Variants in COG4 observed in about 807,000 individuals in gnomAD.
The protein encoded by COG4 is component of oligomeric golgi complex 4, also known as conserved oligomeric Golgi complex subunit 4.
COG4 carries 65 observed loss-of-function variants against 95.1 expected under a neutral mutation model. The observed-to-expected ratio is 0.68, with a 90% CI of 0.56 to 0.84. The LOEUF (loss-of-function observed/expected upper bound fraction) is 0.84, where lower values mean the gene tolerates loss of function less well. Among genes scored for constraint, COG4 ranks in the 40% least tolerant of loss-of-function variants. The probability of loss-of-function intolerance (pLI) is 0.00; values close to 1 mark genes in which losing one functional copy is unlikely to be tolerated. For missense variants in COG4, 1,045 were observed against 989.1 expected, an observed-to-expected ratio of 1.06 and a Z score of -0.76; for synonymous variants, 421 against 374.8, an observed-to-expected ratio of 1.12 and a Z score of -1.42.
intron 13 of COG4, among the ~76,000 whole-genome samples, chr16:70,484,356 T>C (rs979203138): frequency 6.6e-6 from 1 of 152,238 alleles, no homozygotes; most frequent in African/African-American, 2.4e-5. Flanking sequence ...ATGTATGAGA[T>C]GAAGCACAAC....
At chr16:70,513,945 C>T (rs960529187) in intron 4 of COG4, among the ~76,000 whole-genome samples, 8 of 152,152 alleles carry the variant, frequency 5.3e-5, no homozygotes. Flanking sequence ...CAGTAGCTTA[C>T]ACCTGTAATC....
intron 8 of COG4, among the ~76,000 whole-genome samples, chr16:70,504,093 G>A (rs2049509484): frequency 6.6e-6 from 1 of 152,158 alleles, no homozygotes; most frequent in Non-Finnish European, 1.5e-5. Context: ...CTAGCTGCAT[G>A]ACCTTGGGCA....
In COG4 at chr16:70,509,327, T is replaced by A. The variant is rs144931852; in HGVS notation, c.906A>T (p.Arg302Ser). 2.4e-5 allele frequency: 39 copies of A among 1,613,944 alleles called. No individual in the cohort carries two copies. Among genetic ancestry groups the A allele is most frequent in the Non-Finnish European group, 3.2e-5 (38 of 1,180,018 alleles). ...PIVETYYGPG[R>S]LYTLIKYLQV... Reference sequence around the variant, plus strand: ...GCAGATATTTGATCAGGGTATAGAGTCTCCCTGGCCCATAATAGGTCTCCA... The same window carrying A: ...GCAGATATTTGATCAGGGTATAGAGACTCCCTGGCCCATAATAGGTCTCCA... The change falls in exon 7 of 19, where the codon AGA (arginine) becomes AGT (serine). Residue 302 changes from arginine to serine, a missense_variant. Transcript: ENST00000323786.
At position 70,505,444 on chromosome 16, in the gene COG4, C is replaced by T. The variant is rs182287139; in HGVS notation, c.1061+2962G>A. Among the ~76,000 whole-genome samples, 402 of 150,818 alleles carry T rather than the reference C, an allele frequency of 2.7e-3. 4 individuals are homozygous for T. The highest frequency in any genetic ancestry group is 4.4e-3 in the Non-Finnish European group (301 of 67,652). On this transcript the variant is annotated intron_variant, in intron 8 of 18. Coordinates refer to ENST00000323786, the MANE Select transcript of COG4 (RefSeq NM_015386.3). Reference sequence around the variant, plus strand: ...GTCTTGATTTCCTGACCTCGTGATCCACCCGCCTTGGGCTCCCAAAGTGCT... The same window carrying T: ...GTCTTGATTTCCTGACCTCGTGATCTACCCGCCTTGGGCTCCCAAAGTGCT...
At chr16:70,517,186 A>T (rs1002474291) in intron 3 of COG4, among the ~76,000 whole-genome samples, 3 of 152,022 alleles carry the variant, frequency 2.0e-5, no homozygotes, top group Admixed American at 2.0e-4. Context: ...GGTGTTAGTC[A>T]CCACGCAAAG....
intron 3 of COG4, among the ~76,000 whole-genome samples, chr16:70,514,748 C>T (rs1418495663): frequency 6.6e-6 from 1 of 152,146 alleles, no homozygotes; most frequent in Non-Finnish European, 1.5e-5. Context: ...GAGTCTCACT[C>T]TGTTACCCAG....
chr16:70,514,581 T>C (rs190355776), intron 3 of COG4, 72 bp from the exon 4 acceptor site: 162 of 1,340,220 alleles, frequency 1.2e-4, no homozygotes, highest in Non-Finnish European at 1.5e-4. Flanking sequence ...GGTAGGGAGA[T>C]TCAGGAGCTG....
chr16:70,496,408 C>T lies in COG4; in HGVS notation c.1505G>A (p.Arg502Gln), dbSNP rs190357875. 41 of 1,614,116 alleles carry T rather than the reference C, an allele frequency of 2.5e-5. No individual in the cohort carries two copies. Among genetic ancestry groups the T allele is most frequent in the African/African-American group, 8.0e-5 (6 of 75,018 alleles). ...DFRDVLCNKL[R>Q]MGFPATTFQD... ...GAAGGTGGTGGCAGGAAAGCCCATC[C>T]GCAGCTTATTACACAGAACATCCCT... is the stretch of plus-strand genomic sequence containing the variant. Residue 502 changes from arginine to glutamine, a missense_variant, in exon 12 of 19, where the codon CGG (arginine) becomes CAG (glutamine). Coordinates refer to ENST00000323786, the MANE Select transcript of COG4 (RefSeq NM_015386.3).
intron 8 of COG4, chr16:70,501,361 C>CT (rs1036476191): frequency 0.01 from 3,756 of 370,640 alleles, no homozygotes; most frequent in South Asian, 0.015. Context: ...CTTTTCTTTA[C>CT]TTTTTTTTTT....
At chr16:70,501,979 T>C (rs1016109339) in intron 8 of COG4, among the ~76,000 whole-genome samples, 1 of 151,992 alleles carries the variant, frequency 6.6e-6, no homozygotes, top group Non-Finnish European at 1.5e-5. Context: ...GCCTCTTTTG[T>C]GGTTTGAATA....
At chr16:70,514,871 C>T (rs1295338490) in intron 3 of COG4, among the ~76,000 whole-genome samples, 2 of 150,866 alleles carry the variant, frequency 1.3e-5, no homozygotes, top group Non-Finnish European at 2.9e-5. Context: ...TGCCACCATG[C>T]CTGGCTAGTT....
At position 70,509,211 on chromosome 16, in the gene COG4, C is replaced by G. The variant is rs771731300; in HGVS notation, c.1002+20G>C. 1 of 1,614,106 alleles carries G rather than the reference C, an allele frequency of 6.2e-7. No individual in the cohort carries two copies. Among genetic ancestry groups the G allele is most frequent in the Non-Finnish European group, 8.5e-7 (1 of 1,180,004 alleles). ...CGCTAAAGCTGCTACCAAACCCTAC[C>G]TGTAGCTTCCCCTGCTCACCTGCTG... is the stretch of plus-strand genomic sequence containing the variant. On this transcript the variant is annotated intron_variant, in intron 7 of 18. Coordinates refer to ENST00000323786, the MANE Select transcript of COG4 (RefSeq NM_015386.3).
At chr16:70,494,646 A>T (rs1485517068) in intron 12 of COG4, among the ~76,000 whole-genome samples, 1 of 152,210 alleles carries the variant, frequency 6.6e-6, no homozygotes, top group Non-Finnish European at 1.5e-5. Context: ...GGTATGGGTT[A>T]GAGTTAGGAG....
chr16:70,486,039 G>A (rs1242473502), intron 13 of COG4, among the ~76,000 whole-genome samples: 1 of 152,018 alleles, frequency 6.6e-6, no homozygotes. Context: ...GGGACTACAG[G>A]CGCCCACCAC....
At chr16:70,489,393 A>AT (rs1198392525) in intron 13 of COG4, among the ~76,000 whole-genome samples, 1 of 150,852 alleles carries the variant, frequency 6.6e-6, no homozygotes, top group Non-Finnish European at 1.5e-5. Flanking sequence ...CATTTTTTGT[A>AT]TTTTTAGTAG....
chr16:70,509,842 G>T, intron 6 of COG4, 74 bp downstream of exon 6: 1 of 1,070,426 alleles, frequency 9.3e-7, no homozygotes, highest in East Asian at 2.4e-5. Context: ...CAGGCTAGAA[G>T]GGTGAGAAGA....
rs919755498 is a variant in COG4, at chr16:70,508,272, T to A, written c.1061+134A>T. 4 of 784,658 alleles carry A rather than the reference T, an allele frequency of 5.1e-6. No homozygotes were observed. The African/African-American group carries it at 6.9e-5, about 14-fold the overall frequency. The allele number at this position is 784,658 out of a possible 1,614,324, so 48.6% of individuals were successfully genotyped here. ...TATATACTTTTGTTCATATGATACA[T>A]TGCACTGAAAAATAAGAGTAATTGA... On this transcript the variant is annotated intron_variant, in intron 8 of 18. Coordinates refer to ENST00000323786, the MANE Select transcript of COG4 (RefSeq NM_015386.3).
chr16:70,490,678 TTTTG>T (rs1301809360), intron 12 of COG4, among the ~76,000 whole-genome samples: 1 of 152,040 alleles, frequency 6.6e-6, no homozygotes, highest in Non-Finnish European at 1.5e-5. Context: ...GGTCTTCTTT[TTTTG>T]TTTGTTTTTT....
rs373237503 is a variant in COG4 at position 70,503,719 on chromosome 16, C to T, written c.1062-2628G>A. On this transcript the variant is annotated intron_variant, in intron 8 of 18. Coordinates refer to ENST00000323786, the MANE Select transcript of COG4 (RefSeq NM_015386.3). The stretch of plus-strand genomic sequence containing the variant: ...ATGCCATTCTCCTGCCTCAGCCTCC[C>T]GAGTAGCTGGGACTACAGGCGCCCA... Among the ~76,000 whole-genome samples, 191 of 138,634 alleles carry T rather than the reference C, an allele frequency of 1.4e-3. 44 individuals are homozygous for T. Among genetic ancestry groups the T allele is most frequent in the African/African-American group, 5.6e-3 (161 of 28,714 alleles). The allele number at this position is 138,634 out of a possible 152,430, so 90.9% of individuals were successfully genotyped here.
Sources: gnomAD v4.1 joint callset for allele counts (sites outside exome capture counted in the v4.1 genomes callset) on GRCh38, gnomAD v4.1.1 for gene constraint, MANE v1.5 for transcripts, NCBI Gene and HGNC (gene_info 2026-07-23, HGNC 2026-07-21) for gene names.